The following GSG1L2 variants were observed in gnomAD, a reference collection of about 807,000 sequenced individuals.
GSG1L2 encodes the protein germ cell-specific gene 1-like protein 2.
In GSG1L2, 15 loss-of-function variants were observed where a neutral mutation model predicts 9.0. The observed-to-expected ratio is 1.67, with a 90% CI of 1.12 to 2.57. GSG1L2 has a LOEUF of 2.57. Among genes scored for constraint, GSG1L2 ranks in the 30% most tolerant of loss-of-function variants. GSG1L2 has a pLI of 0.00. For synonymous variants in GSG1L2, 127 were observed against 57.9 expected (o/e 2.19, Z -5.41); for missense variants, 286 against 150.3 (o/e 1.90, Z -4.72).
chr17:9,802,786 C>T (rs1029906900), intron 4 of GSG1L2, 142 bp from the exon 5 acceptor site: 31 of 610,328 alleles, frequency 5.1e-5, no homozygotes, highest in Non-Finnish European at 8.5e-5. Context: ...GATCACAAAT[C>T]CCAGAGTCTA....
chr17:9,815,986 G>A (rs2066557873), intron 1 of GSG1L2, among the ~76,000 whole-genome samples: 1 of 152,088 alleles, frequency 6.6e-6, no homozygotes, highest in Admixed American at 6.5e-5. Flanking sequence ...AGGAGGACAG[G>A]GCCGAGCTAG....
intron 1 of GSG1L2, among the ~76,000 whole-genome samples, chr17:9,816,612 CTG>C (rs575800647): frequency 2.8e-5 from 1 of 35,402 alleles, no homozygotes; most frequent in Non-Finnish European, 4.9e-5. Context: ...CTGTGTGTGT[CTG>C]TGTGTCTGTT....
In GSG1L2 at chr17:9,802,070, C is replaced by T. The variant is rs2066498697; in HGVS notation, c.*316G>A. Among the ~76,000 whole-genome samples the T allele has an allele frequency of 6.6e-6, 1 of 152,194 alleles. No individual in the cohort carries two copies. Among genetic ancestry groups the T allele is most frequent in the Non-Finnish European group, 1.5e-5 (1 of 68,032 alleles). ...TTTCCTCTTTCTTCAACTTCTCTTC[C>T]CTTAGTACTGGCATCCTCCCTGTTT... On this transcript the variant is annotated 3_prime_UTR_variant, in exon 5 of 5. Transcript: ENST00000399363.
At chr17:9,815,884 G>A (rs1451392436) in intron 1 of GSG1L2, among the ~76,000 whole-genome samples, 1 of 152,088 alleles carries the variant, frequency 6.6e-6, no homozygotes, top group Non-Finnish European at 1.5e-5. Flanking sequence ...AGAGATGCTC[G>A]AGTCATGAAG....
intron 4 of GSG1L2, chr17:9,805,743 C>T (rs2066514077): frequency 6.6e-6 from 1 of 152,102 alleles, no homozygotes; most frequent in Admixed American, 6.6e-5. Context: ...TGGAACAGGG[C>T]AGGAAGACCG....
intron 1 of GSG1L2, among the ~76,000 whole-genome samples, chr17:9,813,659 T>C (rs1270244026): frequency 2.0e-5 from 3 of 152,182 alleles, no homozygotes; most frequent in African/African-American, 7.2e-5. Flanking sequence ...CTCGGAGAAC[T>C]CGGGGGCTGA....
intron 1 of GSG1L2, among the ~76,000 whole-genome samples, chr17:9,813,033 C>T (rs1207600968): frequency 6.6e-6 from 1 of 152,180 alleles, no homozygotes; most frequent in Admixed American, 6.5e-5. Flanking sequence ...ACGCAAAGGC[C>T]CCCACCTCCT....
chr17:9,812,555 A>C (rs9908392), intron 1 of GSG1L2, among the ~76,000 whole-genome samples: 117,559 of 152,084 alleles, frequency 0.77, 46,326 homozygotes, highest in African/African-American at 0.92. Context: ...AGATCTGGAG[A>C]CTGGAAGTCT....
intron 4 of GSG1L2, among the ~76,000 whole-genome samples, chr17:9,802,973 G>A (rs991449623): frequency 2.0e-5 from 3 of 152,198 alleles, no homozygotes; most frequent in Non-Finnish European, 4.4e-5. Context: ...CACCAGGGTG[G>A]CTGTGAGGAA....
chr17:9,808,619 A>G (rs2066525187), intron 3 of GSG1L2, among the ~76,000 whole-genome samples: 1 of 152,164 alleles, frequency 6.6e-6, no homozygotes, highest in African/African-American at 2.4e-5. Context: ...TTCACTTTCT[A>G]TCTGTGCCTA....
At chr17:9,804,055 C>A (rs959932585) in intron 4 of GSG1L2, 1 of 152,210 alleles carries the variant, frequency 6.6e-6, no homozygotes, top group Non-Finnish European at 1.5e-5. Context: ...CACACCCCCA[C>A]TGAAACGAGA....
rs528631466 is a variant in GSG1L2 at position 9,809,049 on chromosome 17, C to T, written c.359-67G>A. On this transcript the variant is annotated intron_variant, in intron 2 of 4. Coordinates refer to ENST00000399363, the MANE Select transcript of GSG1L2 (RefSeq NM_001310219.2). ...TTCAGAAATACTAAAATGTTCAATC[C>T]TTTGATTTAGTTCACTTCTAAACAA... 1.9e-5 allele frequency: 13 copies of T among 685,266 alleles called. No homozygotes were observed. The South Asian group carries it at 2.0e-4, about 10-fold the overall frequency. 42.4% of individuals were successfully genotyped at this position (685,266 alleles called of 1,614,324 possible). A position where few individuals can be genotyped will look rare whatever the true frequency, so the allele number is the denominator to read the frequency against.
intron 4 of GSG1L2, 170 bp downstream of exon 4, chr17:9,807,320 T>G: frequency 1.7e-6 from 1 of 589,990 alleles, no homozygotes; most frequent in Non-Finnish European, 3.0e-6. Flanking sequence ...TATCCTCACT[T>G]TATCGATGAG....
intron 4 of GSG1L2, among the ~76,000 whole-genome samples, 158 bp from the exon 5 acceptor site, chr17:9,802,802 C>T (rs181769456): frequency 1.3e-4 from 20 of 152,262 alleles, no homozygotes; most frequent in African/African-American, 3.9e-4. Flanking sequence ...GTCTAGTCAA[C>T]GTACTGTTTA....
chr17:9,809,200 C>T (rs768011196), intron 2 of GSG1L2: 3 of 331,760 alleles, frequency 9.0e-6, no homozygotes, highest in East Asian at 7.0e-5. Context: ...GCTGAACGGG[C>T]GGTGGGGTGG....
chr17:9,807,740 A>G, intron 3 of GSG1L2, 139 bp from the exon 4 acceptor site: 4 of 613,858 alleles, frequency 6.5e-6, no homozygotes, highest in Middle Eastern at 8.7e-4. Flanking sequence ...ATCCTTAAAC[A>G]TTCCGCTGGA....
In GSG1L2 at chr17:9,816,602, CTG is replaced by C. The variant is rs1169732930; in HGVS notation, c.310+5158_310+5159del. Among the ~76,000 whole-genome samples, 15 of 88,388 alleles carry C rather than the reference CTG, an allele frequency of 1.7e-4. 1 individual carries two copies. Among genetic ancestry groups the C allele is most frequent in the South Asian group, 7.0e-4 (1 of 1,426 alleles). 58.0% of individuals were successfully genotyped at this position (88,388 alleles called of 152,430 possible). ...TGTGTGCACGTGCGTGTCTGTGTGT[CTG>C]TGTGTGTCTGTGTGTCTGTTTTGCA... On this transcript the variant is annotated intron_variant, in intron 1 of 4. Coordinates refer to ENST00000399363, the MANE Select transcript of GSG1L2 (RefSeq NM_001310219.2).
chr17:9,809,302 A>C, intron 2 of GSG1L2: 1 of 378,264 alleles, frequency 2.6e-6, no homozygotes. Flanking sequence ...TTGTGTCTGG[A>C]GTTGGTTCCT....
intron 1 of GSG1L2, among the ~76,000 whole-genome samples, chr17:9,816,892 G>GTC (rs2066568907): frequency 1.5e-5 from 2 of 135,120 alleles, no homozygotes; most frequent in South Asian, 2.7e-4. Context: ...CTGTGTGTGT[G>GTC]TATCTGTGTG....
Sources: gnomAD v4.1 joint callset for allele counts (sites outside exome capture counted in the v4.1 genomes callset) on GRCh38, gnomAD v4.1.1 for gene constraint, MANE v1.5 for transcripts, NCBI Gene and HGNC (gene_info 2026-07-23, HGNC 2026-07-21) for gene names.